Variants in OSGEP observed in about 807,000 individuals in gnomAD.
OSGEP encodes tRNA N6-adenosine threonylcarbamoyltransferase.
In OSGEP, 39 loss-of-function variants were observed where a neutral mutation model predicts 44.1. That is an observed-to-expected ratio of 0.88 (90% CI 0.69 to 1.16). The LOEUF (loss-of-function observed/expected upper bound fraction) is 1.16. Ranked by LOEUF, OSGEP falls within the 50% of genes most tolerant of loss-of-function variation. OSGEP has a pLI of 0.00. For missense variants in OSGEP, 403 were observed against 443.1 expected, an observed-to-expected ratio of 0.91 and a Z score of 0.81; for synonymous variants, 139 against 161.9, an observed-to-expected ratio of 0.86 and a Z score of 1.07.
intron 10 of OSGEP, 50 bp from the exon 11 acceptor site, chr14:20,447,329 T>C: frequency 2.5e-6 from 4 of 1,609,086 alleles, no homozygotes; most frequent in Non-Finnish European, 3.4e-6. Flanking sequence ...TTAACATCCT[T>C]CATTCTTCTC....
intron 6 of OSGEP, among the ~76,000 whole-genome samples, chr14:20,448,469 C>G (rs1881015856): frequency 6.6e-6 from 1 of 152,032 alleles, no homozygotes; most frequent in East Asian, 1.9e-4. Context: ...TTTCTTATCT[C>G]CCCCGCCCCC....
chr14:20,447,905 C>G lies in OSGEP; in HGVS notation c.792G>C (p.Gly264=). 1 of 1,598,618 alleles carries G rather than the reference C, an allele frequency of 6.3e-7. No individual in the cohort carries two copies. The highest frequency in any genetic ancestry group is 8.6e-7 in the Non-Finnish European group (1 of 1,165,846). The change falls in exon 8 of 11, where the codon GGG becomes GGC. Residue 264 remains glycine (G), a splice_region_variant and synonymous_variant. Coordinates refer to ENST00000206542, the MANE Select transcript of OSGEP (RefSeq NM_017807.4). Reference sequence around the variant, plus strand: ...GGAACACTTTTCAATAATACATACACCCCACTCCTCCCACAATGAGGGCCT... The same window carrying G: ...GGAACACTTTTCAATAATACATACAGCCCACTCCTCCCACAATGAGGGCCT... ...SQEALIVGGV[G]CNVRLQEMMA...
intron 7 of OSGEP, 34 bp from the exon 8 acceptor site, chr14:20,448,028 G>A (rs1566507934): frequency 6.3e-7 from 1 of 1,590,172 alleles, no homozygotes; most frequent in Non-Finnish European, 8.6e-7. Context: ...AATATTAGAG[G>A]GGCATCCCAG....
In OSGEP at chr14:20,448,153, G is replaced by A; in HGVS notation, c.655C>T (p.Leu219=). The change falls in exon 7 of 11, where the codon CTG becomes TTG. Residue 219 remains leucine, a synonymous_variant. Coordinates refer to ENST00000206542, the MANE Select transcript of OSGEP (RefSeq NM_017807.4). ...SFIEDVAHRM[L]ATGECTPEDL... Reference sequence around the variant, plus strand: ...TCAGGAGTACACTCGCCTGTGGCCAGCATCCGATGGGCTACATCCTACAAT... The same window carrying A: ...TCAGGAGTACACTCGCCTGTGGCCAACATCCGATGGGCTACATCCTACAAT... The A allele has an allele frequency of 1.2e-6, 2 of 1,612,506 alleles. No individual in the cohort carries two copies. The highest frequency in any genetic ancestry group is 2.2e-5 in the South Asian group (2 of 91,050).
rs775729022 is a variant in OSGEP at position 20,452,024 on chromosome 14, T to A, written c.361A>T (p.Thr121Ser). 2 of 1,613,330 alleles carry A rather than the reference T, an allele frequency of 1.2e-6. No individual in the cohort carries two copies. Among genetic ancestry groups the A allele is most frequent in the South Asian group, 1.1e-5 (1 of 90,998 alleles). The change falls in exon 3 of 11, where the codon ACT becomes TCT. Residue 121 changes from threonine to serine, a missense_variant. Thr to Ser is a moderately conservative substitution (Grantham distance 58, BLOSUM62 1). Coordinates refer to ENST00000206542, the MANE Select transcript of OSGEP (RefSeq NM_017807.4). The part of the protein sequence containing the change: ...IGHIEMGRLI[T>S]GATSPTVLYV... Reference sequence around the variant, plus strand: ...AACACGGTTGGGCTGGTGGCTCCAGTGATGAGGCGGCCCATCTCAATGTGG... The same window carrying A: ...AACACGGTTGGGCTGGTGGCTCCAGAGATGAGGCGGCCCATCTCAATGTGG...
rs1881021911 is a variant in OSGEP at position 20,448,718 on chromosome 14, A to G, written c.636+15T>C. On this transcript the variant is annotated intron_variant, in intron 6 of 10. Transcript: ENST00000206542. ...AAAGCATGAAAGTGCCCGTCTCATC[A>G]CCTCTCACACTCACCTCAATGAAAG... 1.9e-6 allele frequency: 3 copies of G among 1,582,386 alleles called. No homozygotes were observed. In the African/African-American group the frequency reaches 4.0e-5, roughly 21 times the overall value.
rs2275008 is a variant in OSGEP, at chr14:20,448,090, T to C, written c.702+16A>G. The C allele has an allele frequency of 0.29, 459,738 of 1,607,860 alleles. 68,291 individuals carry two copies. The highest frequency in any genetic ancestry group is 0.34 in the African/African-American group (25,452 of 74,810). ...CTTCAGCCCCAACTTTCTGTCCCAG[T>C]TTTTTACTGCATTACCTGCAGGGAG... On this transcript the variant is annotated intron_variant, in intron 7 of 10. Coordinates refer to ENST00000206542, the MANE Select transcript of OSGEP (RefSeq NM_017807.4).
intron 6 of OSGEP, 25 bp from the exon 7 acceptor site, chr14:20,448,196 G>T: frequency 6.3e-7 from 1 of 1,596,694 alleles, no homozygotes; most frequent in Non-Finnish European, 8.6e-7. Flanking sequence ...AAAAACAAAA[G>T]AATCAACAAA....
intron 7 of OSGEP, 21 bp from the exon 8 acceptor site, chr14:20,448,015 G>A: frequency 6.2e-7 from 1 of 1,601,418 alleles, no homozygotes; most frequent in Non-Finnish European, 8.6e-7. Context: ...CAGATAAGGA[G>A]AAAATATTAG....
intron 3 of OSGEP, chr14:20,449,646 G>A (rs74033900): frequency 0.014 from 3,231 of 238,080 alleles, 101 homozygotes; most frequent in African/African-American, 0.068. Flanking sequence ...AGTGGCAGTG[G>A]TAATTTTTTT....
intron 3 of OSGEP, chr14:20,450,771 A>G (rs1213007686): frequency 6.6e-6 from 1 of 152,224 alleles, no homozygotes; most frequent in East Asian, 1.9e-4. Flanking sequence ...CAACCTTAAA[A>G]AGGTCATATA....
chr14:20,449,105 CTCCACCTCCATGGCT>C, intron 4 of OSGEP, 51 bp downstream of exon 4: 1 of 1,493,352 alleles, frequency 6.7e-7, no homozygotes, highest in Non-Finnish European at 9.3e-7. Flanking sequence ...TATTTCCTCC[CTCCACCTCCATGGCT>C]TCCCAAAAAT....
chr14:20,452,483 T>C, intron 1 of OSGEP, 35 bp from the exon 2 acceptor site: 1 of 1,609,294 alleles, frequency 6.2e-7, no homozygotes, highest in Non-Finnish European at 8.5e-7. Context: ...ATCACAGGGA[T>C]TTTCTGTAGC....
Position 20,447,050 on chromosome 14 carries a change from A to G in OSGEP, c.*190T>C, listed in dbSNP as rs774346494. On this transcript the variant is annotated 3_prime_UTR_variant, in exon 11 of 11. Transcript: ENST00000206542. ...TGGTCCTGAACAACACAATCCAATCACCAACATACAAAACCAAAAAACCAA... is the reference window on the plus strand; with the variant it reads ...TGGTCCTGAACAACACAATCCAATCGCCAACATACAAAACCAAAAAACCAA... The G allele has an allele frequency of 1.5e-5, 9 of 599,572 alleles. No homozygotes were observed. The highest frequency in any genetic ancestry group is 2.7e-5 in the Non-Finnish European group (9 of 332,866). 37.1% of individuals were successfully genotyped at this position (599,572 alleles called of 1,614,324 possible). A position where few individuals can be genotyped will look rare whatever the true frequency, so the allele number is the denominator to read the frequency against.
rs2036249598 is a variant in OSGEP at position 20,452,433 on chromosome 14, T to A, written c.131A>T (p.Asp44Val). Reference sequence around the variant, plus strand: ...AACAGCTCGGTGATGCCTGGCTGTATCACCTGGAAGGAATCCTAGAAAATG... The same window carrying A: ...AACAGCTCGGTGATGCCTGGCTGTAACACCTGGAAGGAATCCTAGAAAATG... The part of the protein sequence containing the change: ...TPPGTGFLPG[D>V]TARHHRAVIL... The change falls in exon 2 of 11, where the codon GAT (aspartate) becomes GTT (valine). Residue 44 changes from aspartate to valine, a missense_variant. Asp to Val is a radical substitution (Grantham distance 152). Transcript: ENST00000206542. 2 of 1,613,498 alleles carry A rather than the reference T, an allele frequency of 1.2e-6. No individual in the cohort carries two copies. The highest frequency in any genetic ancestry group is 2.7e-5 in the African/African-American group (2 of 74,902).
chr14:20,452,606 C>T (rs1295008784), intron 1 of OSGEP, among the ~76,000 whole-genome samples, 158 bp from the exon 2 acceptor site: 1 of 152,122 alleles, frequency 6.6e-6, no homozygotes, highest in African/African-American at 2.4e-5. Flanking sequence ...CTCTTTCCGG[C>T]TTCTATATAG....
At chr14:20,448,660 T>G in intron 6 of OSGEP, 73 bp downstream of exon 6, 1 of 1,056,196 alleles carries the variant, frequency 9.5e-7, no homozygotes, top group Admixed American at 1.7e-5. Context: ...ATACGAAATA[T>G]AATCGTAAGT....
In OSGEP at chr14:20,447,514, A is replaced by G; in HGVS notation, c.876T>C (p.Cys292=). 6.2e-7 allele frequency: 1 copy of G among 1,614,046 alleles called. No homozygotes were observed. The highest frequency in any genetic ancestry group is 8.5e-7 in the Non-Finnish European group (1 of 1,179,906). ...ARLFATDERF[C]IDNGAMIAQA... ...GGGCTATCATCGCTCCATTGTCAAT[A>G]CAGAATCTGGGATGCAAGAGAGATG... Residue 292 remains cysteine (C), a synonymous_variant, in exon 10 of 11, where the codon TGT becomes TGC. Coordinates refer to ENST00000206542, the MANE Select transcript of OSGEP (RefSeq NM_017807.4).
chr14:20,452,275 C>T, intron 2 of OSGEP, 54 bp downstream of exon 2: 1 of 1,606,300 alleles, frequency 6.2e-7, no homozygotes, highest in Non-Finnish European at 8.5e-7. Flanking sequence ...GCTATTTTGA[C>T]CTAGCCAGGT....
Sources: gnomAD v4.1 joint callset for allele counts (sites outside exome capture counted in the v4.1 genomes callset) on GRCh38, gnomAD v4.1.1 for gene constraint, MANE v1.5 for transcripts, NCBI Gene and HGNC (gene_info 2026-07-23, HGNC 2026-07-21) for gene names.